Variants in ADGRL2 observed in about 807,000 individuals in gnomAD.
The protein encoded by ADGRL2 is calcium-independent alpha-latrotoxin receptor 2.
In ADGRL2, 44 loss-of-function variants were observed where a neutral mutation model predicts 157.4. The observed-to-expected ratio is 0.28, with a 90% CI of 0.22 to 0.36. The LOEUF (loss-of-function observed/expected upper bound fraction) is 0.36. Ranked by LOEUF, ADGRL2 falls within the 10% of genes least tolerant of loss-of-function variation. ADGRL2 has a pLI of 1.00. For synonymous variants in ADGRL2, 585 were observed against 624.7 expected, an observed-to-expected ratio of 0.94 and a Z score of 0.95; for missense variants, 1,510 against 1,768.9, an observed-to-expected ratio of 0.85 and a Z score of 2.63.
At chr1:81,856,420 A>G (rs1245468838) in intron 2 of ADGRL2, among the ~76,000 whole-genome samples, 1 of 152,130 alleles carries the variant, frequency 6.6e-6, no homozygotes, top group East Asian at 1.9e-4. Context: ...CACAGCCTAC[A>G]TTGGTCTGAG....
chr1:81,712,413 G>T (rs2083960268), intron 1 of ADGRL2, among the ~76,000 whole-genome samples: 1 of 152,084 alleles, frequency 6.6e-6, no homozygotes, highest in Admixed American at 6.6e-5. Flanking sequence ...ACTGAAAAAA[G>T]GTGAAATTAT....
intron 2 of ADGRL2, among the ~76,000 whole-genome samples, chr1:81,902,710 A>G (rs994569521): frequency 2.0e-5 from 3 of 152,182 alleles, no homozygotes; most frequent in African/African-American, 7.2e-5. Context: ...AAGTACAATG[A>G]GGCATGTCTG....
intron 1 of ADGRL2, among the ~76,000 whole-genome samples, chr1:81,758,004 T>C (rs1196632051): frequency 6.6e-6 from 1 of 152,204 alleles, no homozygotes; most frequent in Non-Finnish European, 1.5e-5. Flanking sequence ...CAAGATCTAA[T>C]GTTACATGAA....
intron 3 of ADGRL2, among the ~76,000 whole-genome samples, chr1:81,588,144 G>C (rs2081064072): frequency 6.6e-6 from 1 of 152,114 alleles, no homozygotes; most frequent in African/African-American, 2.4e-5. Flanking sequence ...AGCTGAGCCT[G>C]CTCCTTTGGG....
chr1:81,979,691 T>C (rs1461852171), intron 17 of ADGRL2, among the ~76,000 whole-genome samples, 178 bp from the exon 18 acceptor site: 1 of 151,806 alleles, frequency 6.6e-6, no homozygotes, highest in Non-Finnish European at 1.5e-5. Flanking sequence ...AATGATCTAT[T>C]AAAGAATTGA....
At chr1:81,606,734 A>G (rs1046913201) in intron 3 of ADGRL2, among the ~76,000 whole-genome samples, 1 of 143,342 alleles carries the variant, frequency 7.0e-6, no homozygotes, top group African/African-American at 2.6e-5. Flanking sequence ...TAAATTTCTC[A>G]AGAGGATCAA....
At chr1:81,513,489 A>T (rs916144248) in intron 2 of ADGRL2, among the ~76,000 whole-genome samples, 1 of 152,218 alleles carries the variant, frequency 6.6e-6, no homozygotes, top group South Asian at 2.1e-4. Context: ...TGTGAAGTAA[A>T]CAGTATATTT....
At chr1:81,757,459 C>T (rs1370296919) in intron 1 of ADGRL2, among the ~76,000 whole-genome samples, 1 of 152,182 alleles carries the variant, frequency 6.6e-6, no homozygotes, top group Non-Finnish European at 1.5e-5. Flanking sequence ...CTTGGCCAAT[C>T]ACAGTGGCCA....
intron 1 of ADGRL2, among the ~76,000 whole-genome samples, chr1:81,349,014 G>A (rs544977835): frequency 3.5e-4 from 53 of 152,252 alleles, no homozygotes; most frequent in African/African-American, 6.0e-4. Context: ...AAGAGATTCA[G>A]TCACACTGAT....
At chr1:81,971,535 G>A (rs2296697) in intron 16 of ADGRL2, among the ~76,000 whole-genome samples, 58,439 of 151,950 alleles carry the variant, frequency 0.38, 11,831 homozygotes, top group East Asian at 0.69. Flanking sequence ...TTGCAATATT[G>A]AGTTTCAAGT....
rs190952422 is a variant in ADGRL2, at chr1:81,611,812, C to T, written c.-143+30832C>T. Among the ~76,000 whole-genome samples the T allele has an allele frequency of 5.1e-4, 77 of 152,190 alleles. 1 individual carries two copies. Among genetic ancestry groups the T allele is most frequent in the African/African-American group, 1.6e-3 (67 of 41,542 alleles). ...ATCTCATCTCAAATTGTAATCCCCA[C>T]GTGTTGAGGAAGGGACCTGATGGGA... On this transcript the variant is annotated intron_variant, in intron 3 of 24. Transcript: ENST00000370721.
chr1:81,313,109 T>C (rs1268651244), intron 1 of ADGRL2, among the ~76,000 whole-genome samples: 2 of 152,216 alleles, frequency 1.3e-5, no homozygotes, highest in Non-Finnish European at 1.5e-5. Context: ...CCTCATTTTG[T>C]TTTCTGTTCA....
At chr1:81,868,712 A>G (rs1383824268) in intron 2 of ADGRL2, among the ~76,000 whole-genome samples, 1 of 152,130 alleles carries the variant, frequency 6.6e-6, no homozygotes, top group Non-Finnish European at 1.5e-5. Flanking sequence ...ATTCATACCT[A>G]CAAAACTCTG....
At chr1:81,368,619 CA>C (rs2076107818) in intron 1 of ADGRL2, among the ~76,000 whole-genome samples, 1 of 152,176 alleles carries the variant, frequency 6.6e-6, no homozygotes, top group South Asian at 2.1e-4. Context: ...CAAAACTCCC[CA>C]AATGGCATAC....
At chr1:81,905,479 A>G (rs190296333) in intron 2 of ADGRL2, among the ~76,000 whole-genome samples, 125 of 152,276 alleles carry the variant, frequency 8.2e-4, no homozygotes, top group Admixed American at 6.0e-3. Flanking sequence ...ACACTCAACT[A>G]TGCCAATTCC....
chr1:81,912,098 G>A lies in ADGRL2; in HGVS notation c.287+4868G>A, dbSNP rs192341200. 1.0e-3 allele frequency among the ~76,000 whole-genome samples: 152 copies of A among 150,986 alleles called. 1 individual carries two copies. Among genetic ancestry groups the A allele is most frequent in the African/African-American group, 3.6e-3 (146 of 41,100 alleles). ...ATTTTTTATTTTTTTTTGAGATAGG[G>A]TCTCACTCCCTTGCCCACGCTGGAG... On this transcript the variant is annotated intron_variant, in intron 3 of 23. Coordinates refer to ENST00000686636, the MANE Select transcript of ADGRL2 (RefSeq NM_001366006.2).
At chr1:81,636,021 A>C (rs2082108074) in intron 3 of ADGRL2, among the ~76,000 whole-genome samples, 1 of 152,230 alleles carries the variant, frequency 6.6e-6, no homozygotes, top group Non-Finnish European at 1.5e-5. Context: ...AATTCCTTAA[A>C]GGCACAGACT....
At chr1:81,930,507 C>G (rs947917878) in intron 3 of ADGRL2, among the ~76,000 whole-genome samples, 4 of 152,090 alleles carry the variant, frequency 2.6e-5, no homozygotes, top group African/African-American at 7.2e-5. Flanking sequence ...ATAAAATATA[C>G]TGTTTGTAAT....
In ADGRL2 at chr1:81,943,321, C is replaced by T. The variant is rs1161518566; in HGVS notation, c.762C>T (p.Tyr254=). ...AGGCCATAATTAACTATGCCAACTA[C>T]CATGATACCTCACCATACAGATGGG... is the stretch of plus-strand genomic sequence containing the variant. ...SGEAIINYAN[Y]HDTSPYRWGG... The change falls in exon 6 of 24, where the codon TAC becomes TAT. Residue 254 remains tyrosine, a synonymous_variant. Transcript: ENST00000686636. This position sits in a 1 kb window ranked among gnomAD's most constrained non-coding sequence, Gnocchi z 5.6. 1 of 1,613,570 alleles carries T rather than the reference C, an allele frequency of 6.2e-7. No individual in the cohort carries two copies. The highest frequency in any genetic ancestry group is 1.7e-5 in the Admixed American group (1 of 59,948).
Sources: gnomAD v4.1 joint callset for allele counts (sites outside exome capture counted in the v4.1 genomes callset) on GRCh38, gnomAD v4.1.1 for gene constraint, Gnocchi (gnomAD v3.1) non-coding constraint, MANE v1.5 for transcripts, NCBI Gene and HGNC (gene_info 2026-07-23, HGNC 2026-07-21) for gene names.